ADK: variants seen among roughly 807,000 people sequenced by gnomAD.
ADK encodes the protein adenosine kinase.
Under a neutral mutation model 44.7 loss-of-function variants are expected in ADK, and 24 were observed. The observed-to-expected ratio is 0.54, with a 90% CI of 0.39 to 0.76. ADK has a LOEUF of 0.76. Among genes scored for constraint, ADK ranks in the 30% least tolerant of loss-of-function variants. The pLI, the probability that ADK is intolerant of heterozygous loss-of-function variation, is 0.00. For synonymous variants in ADK, 128 were observed against 142.6 expected, an observed-to-expected ratio of 0.90 and a Z score of 0.73; for missense variants, 321 against 425.1, an observed-to-expected ratio of 0.76 and a Z score of 2.15.
intron 6 of ADK, among the ~76,000 whole-genome samples, chr10:74,501,957 T>C (rs1276963539): frequency 2.6e-5 from 4 of 152,144 alleles, no homozygotes; most frequent in African/African-American, 9.7e-5. Context: ...ACTGTGAATA[T>C]AATTTTATGT....
intron 4 of ADK, among the ~76,000 whole-genome samples, chr10:74,333,142 A>AT (rs1187326741): frequency 6.6e-6 from 1 of 152,174 alleles, no homozygotes; most frequent in African/African-American, 2.4e-5. Context: ...GAAATCGTCT[A>AT]TTTTTTCAGC....
chr10:74,496,128 AG>A (rs1237764056), intron 6 of ADK, among the ~76,000 whole-genome samples: 3 of 152,110 alleles, frequency 2.0e-5, no homozygotes, highest in African/African-American at 7.2e-5. Flanking sequence ...TCACCTTTGG[AG>A]GGGGCGAGGG....
At chr10:74,484,504 T>C (rs1248844264) in intron 6 of ADK, among the ~76,000 whole-genome samples, 1 of 152,200 alleles carries the variant, frequency 6.6e-6, no homozygotes, top group Non-Finnish European at 1.5e-5. Context: ...AAACTGAAAT[T>C]TTTAATATTA....
At chr10:74,156,918 AC>A (rs1238709650) in intron 1 of ADK, among the ~76,000 whole-genome samples, 1 of 152,236 alleles carries the variant, frequency 6.6e-6, no homozygotes, top group Non-Finnish European at 1.5e-5. Context: ...ATCTCCAGGG[AC>A]CAAGAACAGA....
rs371183368 is a variant in ADK at position 74,378,594 on chromosome 10, G to A, written c.274-15547G>A. Among the ~76,000 whole-genome samples the A allele has an allele frequency of 2.3e-4, 35 of 152,218 alleles. 1 individual carries two copies. Among genetic ancestry groups the A allele is most frequent in the Middle Eastern group, 6.8e-3 (2 of 294 alleles). ...ATACAGTTTATCCAATACTTATGAT[G>A]CCAGGTTCCAGAATGCATTAGAAGA... On this transcript the variant is annotated intron_variant, in intron 4 of 10. Coordinates refer to ENST00000539909, the MANE Select transcript of ADK (RefSeq NM_006721.4).
chr10:74,307,952 A>T (rs1041656439), intron 3 of ADK, among the ~76,000 whole-genome samples: 1 of 152,228 alleles, frequency 6.6e-6, no homozygotes, highest in African/African-American at 2.4e-5. Context: ...TTTTGCTTAC[A>T]TATGACTTTT....
chr10:74,168,384 T>C (rs1302992097), intron 1 of ADK, among the ~76,000 whole-genome samples: 2 of 151,386 alleles, frequency 1.3e-5, no homozygotes, highest in Non-Finnish European at 2.9e-5. Flanking sequence ...CTAAAAATAC[T>C]AAAAAATTAG....
intron 6 of ADK, among the ~76,000 whole-genome samples, chr10:74,471,469 A>T (rs770710311): frequency 2.0e-5 from 3 of 152,114 alleles, no homozygotes; most frequent in Non-Finnish European, 4.4e-5. Context: ...CTTTCTTGAG[A>T]TTGTTATGGT....
intron 9 of ADK, among the ~76,000 whole-genome samples, chr10:74,644,998 T>C (rs1854005304): frequency 6.6e-6 from 1 of 152,256 alleles, no homozygotes; most frequent in South Asian, 2.1e-4. Context: ...TATTAACTTC[T>C]AGGTAGTACA....
intron 6 of ADK, among the ~76,000 whole-genome samples, chr10:74,466,715 T>C (rs2133270302): frequency 6.6e-6 from 1 of 152,276 alleles, no homozygotes; most frequent in South Asian, 2.1e-4. Context: ...AGAAAGTGGG[T>C]AGATTAAAGT....
intron 7 of ADK, among the ~76,000 whole-genome samples, chr10:74,575,386 A>C (rs1027289235): frequency 2.0e-5 from 3 of 152,234 alleles, no homozygotes; most frequent in Non-Finnish European, 4.4e-5. Context: ...AACTTGAGCC[A>C]AATTCTTTTA....
chr10:74,498,574 G>C (rs996336944), intron 6 of ADK, among the ~76,000 whole-genome samples: 2 of 151,966 alleles, frequency 1.3e-5, no homozygotes, highest in South Asian at 4.2e-4. Context: ...TGTGCACAAC[G>C]TGCAGGTTAG....
intron 7 of ADK, among the ~76,000 whole-genome samples, chr10:74,567,601 A>G (rs1850719394): frequency 6.6e-6 from 1 of 151,618 alleles, no homozygotes; most frequent in Admixed American, 6.6e-5. Context: ...ACATATAACA[A>G]CTTTGCCTAA....
intron 1 of ADK, among the ~76,000 whole-genome samples, chr10:74,192,320 C>T (rs1043122397): frequency 5.3e-5 from 8 of 151,980 alleles, no homozygotes; most frequent in Admixed American, 1.3e-4. Flanking sequence ...CTCCGCCTCC[C>T]GGGTTCAAGT....
At chr10:74,578,297 TTTATC>T (rs1851265290) in intron 7 of ADK, among the ~76,000 whole-genome samples, 1 of 152,206 alleles carries the variant, frequency 6.6e-6, no homozygotes, top group South Asian at 2.1e-4. Context: ...AAATTGATTA[TTTATC>T]TTGTCTTTTA....
At chr10:74,221,717 C>T (rs1169928876) in intron 2 of ADK, among the ~76,000 whole-genome samples, 2 of 143,678 alleles carry the variant, frequency 1.4e-5, no homozygotes, top group African/African-American at 5.3e-5. Context: ...AATAACGCCG[C>T]ATATCTACAA....
intron 6 of ADK, among the ~76,000 whole-genome samples, chr10:74,408,405 T>G (rs1435788885): frequency 2.0e-5 from 3 of 152,216 alleles, no homozygotes; most frequent in Non-Finnish European, 2.9e-5. Context: ...GTTAACTTTC[T>G]TGTCCCCAAA....
chr10:74,691,462 C>T (rs1423066147), intron 10 of ADK, among the ~76,000 whole-genome samples: 1 of 152,138 alleles, frequency 6.6e-6, no homozygotes, highest in East Asian at 1.9e-4. Context: ...TTTGATATTA[C>T]TCATGGATAA....
chr10:74,391,550 G>T (rs968417000), intron 4 of ADK, among the ~76,000 whole-genome samples: 7 of 151,092 alleles, frequency 4.6e-5, no homozygotes, highest in African/African-American at 1.7e-4. Flanking sequence ...TATACTAAAA[G>T]AATATATATG....
Sources: gnomAD v4.1 joint callset for allele counts (sites outside exome capture counted in the v4.1 genomes callset) on GRCh38, gnomAD v4.1.1 for gene constraint, MANE v1.5 for transcripts, NCBI Gene and HGNC (gene_info 2026-07-23, HGNC 2026-07-21) for gene names.